Variants in FHIT observed in about 807,000 individuals in gnomAD.
FHIT encodes fragile histidine triad diadenosine triphosphatase.
FHIT carries 19 observed loss-of-function variants against 17.9 expected under a neutral mutation model. The observed-to-expected ratio is 1.06, with a 90% CI of 0.74 to 1.56. FHIT has a LOEUF of 1.56. FHIT is among the 40% of genes most tolerant of loss of function. FHIT has a pLI of 0.00. For synonymous variants in FHIT, 81 were observed against 69.7 expected (o/e 1.16, Z -0.81); for missense variants, 248 against 189.2 (o/e 1.31, Z -1.82).
At chr3:60,219,644 G>A (rs1282460395) in intron 5 of FHIT, among the ~76,000 whole-genome samples, 1 of 152,144 alleles carries the variant, frequency 6.6e-6, no homozygotes, top group Non-Finnish European at 1.5e-5. Flanking sequence ...AAATGTTAAT[G>A]ATGTCAGTGA....
In FHIT at chr3:60,406,519, T is replaced by C. The variant is rs185430740; in HGVS notation, c.103+130341A>G. Among the ~76,000 whole-genome samples the C allele has an allele frequency of 5.5e-3, 832 of 152,292 alleles. 4 individuals are homozygous for C. The highest frequency in any genetic ancestry group is 9.2e-3 in the Non-Finnish European group (626 of 68,036). ...ACACACGGCACTTCAGAGAAATCAATTTCCTTTATTAGCTTCCTTTCTTTA... is the reference window on the plus strand; with the variant it reads ...ACACACGGCACTTCAGAGAAATCAACTTCCTTTATTAGCTTCCTTTCTTTA... On this transcript the variant is annotated intron_variant, in intron 5 of 9. Coordinates refer to ENST00000492590, the MANE Select transcript of FHIT (RefSeq NM_002012.4).
chr3:60,889,228 C>T (rs564842698), intron 3 of FHIT, among the ~76,000 whole-genome samples: 11 of 152,114 alleles, frequency 7.2e-5, no homozygotes, highest in East Asian at 3.9e-4. Flanking sequence ...GAATTAGTTT[C>T]GCCTGCGTGG....
chr3:60,359,824 A>T (rs1699831210), intron 5 of FHIT, among the ~76,000 whole-genome samples: 1 of 152,164 alleles, frequency 6.6e-6, no homozygotes, highest in South Asian at 2.1e-4. Context: ...TCCCAAGATA[A>T]TAGAATTTTA....
rs545901729 is a variant in FHIT, at chr3:60,442,749, A to G, written c.103+94111T>C. Among the ~76,000 whole-genome samples, 22 of 152,268 alleles carry G rather than the reference A, an allele frequency of 1.4e-4. 1 individual carries two copies. In the South Asian group the frequency reaches 4.6e-3, roughly 32 times the overall value. On this transcript the variant is annotated intron_variant, in intron 5 of 9. Coordinates refer to ENST00000492590, the MANE Select transcript of FHIT (RefSeq NM_002012.4). ...TCTTTTGGCTCAGGATTGACTTGGC[A>G]ATGCGGGCTCTTTTTTGGTCCCATA...
At chr3:59,894,442 C>T (rs1703980374) in intron 8 of FHIT, among the ~76,000 whole-genome samples, 1 of 152,088 alleles carries the variant, frequency 6.6e-6, no homozygotes, top group Admixed American at 6.5e-5. Flanking sequence ...GGACTAATTG[C>T]CATTGTTGCT....
At chr3:60,517,579 C>G (rs750909467) in intron 5 of FHIT, among the ~76,000 whole-genome samples, 1 of 152,100 alleles carries the variant, frequency 6.6e-6, no homozygotes, top group East Asian at 1.9e-4. Context: ...CTGGGAATTG[C>G]CATATATGGC....
At chr3:60,022,530 A>T in intron 5 of FHIT, among the ~76,000 whole-genome samples, 1 of 152,224 alleles carries the variant, frequency 6.6e-6, no homozygotes. Flanking sequence ...TTGCAATGGT[A>T]GCTGCTCTGG....
rs1009068434 is a variant in FHIT at position 60,434,678 on chromosome 3, G to T, written c.103+102182C>A. 4.6e-5 allele frequency among the ~76,000 whole-genome samples: 7 copies of T among 152,110 alleles called. 1 individual carries two copies. Among genetic ancestry groups the T allele is most frequent in the African/African-American group, 1.7e-4 (7 of 41,420 alleles). On this transcript the variant is annotated intron_variant, in intron 5 of 9. Coordinates refer to ENST00000492590, the MANE Select transcript of FHIT (RefSeq NM_002012.4). ...AATGTCTTGACAGACTGGTACTAGT[G>T]TTACCGTAGATAAATGCCTGCTTTA...
At chr3:60,363,770 T>C (rs1302347799) in intron 5 of FHIT, among the ~76,000 whole-genome samples, 1 of 152,138 alleles carries the variant, frequency 6.6e-6, no homozygotes, top group Non-Finnish European at 1.5e-5. Context: ...CTGGCCCCCC[T>C]GGCTTCAGTG....
intron 5 of FHIT, among the ~76,000 whole-genome samples, chr3:60,082,719 A>G (rs1459315846): frequency 6.6e-6 from 1 of 152,008 alleles, no homozygotes; most frequent in Non-Finnish European, 1.5e-5. Flanking sequence ...TATTTCTCTG[A>G]TGATTAGTGA....
At chr3:60,805,201 C>T (rs1353982627) in intron 4 of FHIT, among the ~76,000 whole-genome samples, 1 of 152,116 alleles carries the variant, frequency 6.6e-6, no homozygotes, top group African/African-American at 2.4e-5. Flanking sequence ...TCAACTGAGG[C>T]TCATAAATAA....
At chr3:60,742,447 C>T (rs2042258747) in intron 4 of FHIT, among the ~76,000 whole-genome samples, 2 of 152,144 alleles carry the variant, frequency 1.3e-5, no homozygotes. Context: ...TCCATTTCTC[C>T]TGATTAAAAG....
intron 7 of FHIT, among the ~76,000 whole-genome samples, chr3:60,002,648 T>C (rs1699774441): frequency 6.6e-6 from 1 of 152,210 alleles, no homozygotes; most frequent in African/African-American, 2.4e-5. Flanking sequence ...CATCTGTGGC[T>C]CTGCAGGTTG....
intron 5 of FHIT, among the ~76,000 whole-genome samples, chr3:60,169,269 C>G (rs1183407390): frequency 6.6e-6 from 1 of 152,154 alleles, no homozygotes. Context: ...AAAGGAATAT[C>G]TGAAGGATCT....
At chr3:60,929,496 T>C (rs993152561) in intron 3 of FHIT, among the ~76,000 whole-genome samples, 2 of 152,202 alleles carry the variant, frequency 1.3e-5, no homozygotes, top group African/African-American at 4.8e-5. Context: ...CTTAAGCTGA[T>C]AGGCAACTTC....
chr3:60,013,930 A>G, intron 6 of FHIT, 77 bp downstream of exon 6: 1 of 1,386,820 alleles, frequency 7.2e-7, no homozygotes, highest in Non-Finnish European at 1.0e-6. Context: ...CCTCCTGGTA[A>G]GATATCAGGA....
intron 5 of FHIT, among the ~76,000 whole-genome samples, chr3:60,203,715 T>C (rs183548005): frequency 2.0e-5 from 3 of 152,240 alleles, no homozygotes; most frequent in East Asian, 3.9e-4. Flanking sequence ...TCTTAAAATA[T>C]TTGATTTAGA....
chr3:60,166,246 T>G (rs1231250183), intron 5 of FHIT, among the ~76,000 whole-genome samples: 2 of 152,030 alleles, frequency 1.3e-5, no homozygotes, highest in Non-Finnish European at 1.5e-5. Flanking sequence ...CCAGGGGTGT[T>G]AGGAACAGGA....
intron 7 of FHIT, among the ~76,000 whole-genome samples, chr3:60,008,078 G>A (rs1699993798): frequency 1.3e-5 from 2 of 152,206 alleles, no homozygotes; most frequent in South Asian, 4.1e-4. Context: ...CCTTCTCAAA[G>A]AACTAGAGAA....
Sources: gnomAD v4.1 joint callset for allele counts (sites outside exome capture counted in the v4.1 genomes callset) on GRCh38, gnomAD v4.1.1 for gene constraint, MANE v1.5 for transcripts, NCBI Gene and HGNC (gene_info 2026-07-23, HGNC 2026-07-21) for gene names.